Variants in AFDN observed in about 807,000 individuals in gnomAD.
The protein encoded by AFDN is afadin, adherens junction formation factor, also known as afadin.
Under a neutral mutation model 216.6 loss-of-function variants are expected in AFDN, and 68 were observed. That is an observed-to-expected ratio of 0.31 (90% CI 0.26 to 0.38). AFDN has a LOEUF of 0.38. Ranked by LOEUF, AFDN falls within the 10% of genes least tolerant of loss-of-function variation. The pLI, the probability that AFDN is intolerant of heterozygous loss-of-function variation, is 1.00. For missense variants in AFDN, 2,136 were observed against 2,342.0 expected (o/e 0.91, Z 1.82); for synonymous variants, 868 against 853.7 (o/e 1.02, Z -0.29).
intron 23 of AFDN, 44 bp from the exon 24 acceptor site, chr6:167,943,085 C>G (rs1794884797): frequency 1.3e-6 from 2 of 1,533,142 alleles, no homozygotes; most frequent in African/African-American, 1.4e-5. Flanking sequence ...GCATTTCTTA[C>G]AATATATCTT....
upstream of AFDN, chr6:167,826,575 C>T (rs999532584): frequency 1.5e-5 from 8 of 527,212 alleles, no homozygotes; most frequent in Non-Finnish European, 3.1e-5. Context: ...CTCTGCACCG[C>T]GCGTCCGGAC....
At chr6:167,871,715 A>G (rs1324605523) in intron 3 of AFDN, among the ~76,000 whole-genome samples, 1 of 152,226 alleles carries the variant, frequency 6.6e-6, no homozygotes, top group South Asian at 2.1e-4. Context: ...AATACTTACA[A>G]CAGTTTCATA....
At chr6:167,925,390 G>A (rs1469443104) in intron 23 of AFDN, among the ~76,000 whole-genome samples, 1 of 152,222 alleles carries the variant, frequency 6.6e-6, no homozygotes, top group African/African-American at 2.4e-5. Flanking sequence ...GATTCGCACA[G>A]TGAGGAGAGA....
At chr6:167,878,313 G>A (rs1785648123) in intron 5 of AFDN, among the ~76,000 whole-genome samples, 1 of 152,014 alleles carries the variant, frequency 6.6e-6, no homozygotes. Flanking sequence ...CTACCCAATT[G>A]TTTGCTCATC....
intron 31 of AFDN, chr6:167,963,431 T>A: frequency 9.5e-7 from 1 of 1,054,442 alleles, no homozygotes; most frequent in African/African-American, 1.7e-5. Context: ...TTAGTTTTTA[T>A]TAATAATTCC....
At chr6:167,834,455 C>CA (rs1780178203) in intron 1 of AFDN, among the ~76,000 whole-genome samples, 3 of 60,882 alleles carry the variant, frequency 4.9e-5, no homozygotes, top group Non-Finnish European at 6.5e-5. Flanking sequence ...GTTGTTGTTT[C>CA]GGTTTTTTTT....
chr6:167,963,521 T>C, intron 31 of AFDN: 1 of 1,055,764 alleles, frequency 9.5e-7, no homozygotes, highest in Non-Finnish European at 1.1e-6. Context: ...TTTTTTGTAG[T>C]GATATGCTCT....
At chr6:167,896,823 C>A in intron 9 of AFDN, 55 bp from the exon 10 acceptor site, 2 of 1,038,350 alleles carry the variant, frequency 1.9e-6, no homozygotes, top group Non-Finnish European at 3.0e-6. Context: ...TTGGAAATAA[C>A]ATGACAGTAA....
chr6:167,969,160 TGAC>T lies in AFDN; in HGVS notation c.5306_5308del (p.Asp1769del). On this transcript the variant is annotated inframe_deletion, in exon 33 of 34. Coordinates refer to ENST00000683244, the MANE Select transcript of AFDN (RefSeq NM_001386888.1). ...CTACTGGAGCAGCTGTTGGAGCCCATGACGCCTGTCGGGATGCAAAAGAGAAGC... is the reference window on the plus strand; with the variant it reads ...CTACTGGAGCAGCTGTTGGAGCCCATGCCTGTCGGGATGCAAAAGAGAAGC... The T allele has an allele frequency of 6.2e-7, 1 of 1,614,008 alleles. No individual in the cohort carries two copies. Among genetic ancestry groups the T allele is most frequent in the Non-Finnish European group, 8.5e-7 (1 of 1,179,870 alleles).
rs146895497 is a variant in AFDN at position 167,892,086 on chromosome 6, G to A, written c.1177+1057G>A. Among the ~76,000 whole-genome samples the A allele has an allele frequency of 8.6e-3, 1,308 of 152,270 alleles. 29 individuals are homozygous for A. The highest frequency in any genetic ancestry group is 0.03 in the African/African-American group (1,243 of 41,544). ...TGTTGTCCAGCAGTCTCATGGTACC[G>A]TAGGTTATATAAATACAGGAAGTGA... On this transcript the variant is annotated intron_variant, in intron 8 of 33. Coordinates refer to ENST00000683244, the MANE Select transcript of AFDN (RefSeq NM_001386888.1).
Position 167,915,375 on chromosome 6 carries a change from G to C in AFDN, c.2507G>C (p.Trp836Ser), listed in dbSNP as rs1790920005. 1 of 1,614,114 alleles carries C rather than the reference G, an allele frequency of 6.2e-7. No individual in the cohort carries two copies. Among genetic ancestry groups the C allele is most frequent in the Non-Finnish European group, 8.5e-7 (1 of 1,180,048 alleles). ...IRQQLGHIEA[W>S]AEKQGLELAA... ...CAGCAGTTGGGCCATATTGAAGCCT[G>C]GGCTGAGAAGCAGGGGCTGGAACTG... Residue 836 changes from tryptophan to serine, a missense_variant, in exon 19 of 34, where the codon TGG becomes TCG. Trp to Ser is a radical substitution (Grantham distance 177). Coordinates refer to ENST00000683244, the MANE Select transcript of AFDN (RefSeq NM_001386888.1).
At chr6:167,832,324 A>G (rs1289196858) in intron 1 of AFDN, among the ~76,000 whole-genome samples, 1 of 152,140 alleles carries the variant, frequency 6.6e-6, no homozygotes, top group Non-Finnish European at 1.5e-5. Flanking sequence ...AGTTCATAGC[A>G]GGAGTGTGCG....
At chr6:167,950,912 G>T (rs1490783935) in intron 29 of AFDN, among the ~76,000 whole-genome samples, 1 of 149,942 alleles carries the variant, frequency 6.7e-6, no homozygotes, top group Non-Finnish European at 1.5e-5. Flanking sequence ...ACCCAGGCTG[G>T]TCTCGAACTC....
Position 167,970,165 on chromosome 6 carries a change from A to C in AFDN, c.*230A>C, listed in dbSNP as rs181969033. ...TTAAACACTGTCTAGTTTCTTAATT[A>C]TCTAACTCACACGAGGGTAAGTTTT... On this transcript the variant is annotated 3_prime_UTR_variant, in exon 34 of 34. Transcript: ENST00000683244. The C allele has an allele frequency of 6.9e-4, 313 of 456,718 alleles. 1 individual carries two copies. Among genetic ancestry groups the C allele is most frequent in the African/African-American group, 5.8e-3 (282 of 48,482 alleles). 28.3% of individuals were successfully genotyped at this position (456,718 alleles called of 1,614,324 possible). A position where few individuals can be genotyped will look rare whatever the true frequency, so the allele number is the denominator to read the frequency against.
intron 1 of AFDN, among the ~76,000 whole-genome samples, chr6:167,850,935 C>T (rs1161154225): frequency 6.6e-6 from 1 of 151,898 alleles, no homozygotes; most frequent in Non-Finnish European, 1.5e-5. Flanking sequence ...TAGCTGGAGC[C>T]GATCTCGGCT....
rs761592094 is a variant in AFDN, at chr6:167,962,429, T to C, written c.4834-4T>C. ...GAGGGAGATTAATGTCAGCCTGTTG[T>C]TAGTTGCAGGACGAGGAGCGGAGGC... On this transcript the variant is annotated splice_polypyrimidine_tract_variant and splice_region_variant and intron_variant, in intron 30 of 33. Coordinates refer to ENST00000683244, the MANE Select transcript of AFDN (RefSeq NM_001386888.1). This position sits in a 1 kb window ranked among gnomAD's most constrained non-coding sequence, Gnocchi z 5.2. 11 of 1,613,486 alleles carry C rather than the reference T, an allele frequency of 6.8e-6. No individual in the cohort carries two copies. In the South Asian group the frequency reaches 9.9e-5, roughly 14 times the overall value.
intron 13 of AFDN, among the ~76,000 whole-genome samples, chr6:167,908,428 T>A (rs1324062601): frequency 6.6e-6 from 1 of 152,254 alleles, no homozygotes. Flanking sequence ...CATGTGATAA[T>A]AAATAGTTTA....
chr6:167,946,791 C>T lies in AFDN; in HGVS notation c.3443C>T (p.Pro1148Leu), dbSNP rs141880605. 7.4e-6 allele frequency: 12 copies of T among 1,613,776 alleles called. No individual in the cohort carries two copies. In the African/African-American group the frequency reaches 1.3e-4, roughly 18 times the overall value. The change falls in exon 27 of 34, where the codon CCT becomes CTT. Residue 1148 changes from proline (P) to leucine (L), a missense_variant. Pro to Leu is a moderately conservative substitution (Grantham distance 98). Around this residue, in one of 8 missense-constraint regions of AFDN, gnomAD observed 981 missense variants for 966.0 expected, o/e 1.02. Transcript: ENST00000683244. The part of the protein sequence containing the change: ...LYNNSTQNGS[P>L]ESPQLPWAEY... ...AATAATTCAACTCAAAATGGGTCTC[C>T]TGAGAGTCCTCAGCTGCCTTGGGCA...
At position 167,896,786 on chromosome 6, in the gene AFDN, G is replaced by A. The variant is rs116347390; in HGVS notation, c.1223-92G>A. The A allele has an allele frequency of 1.5e-3, 1,043 of 707,360 alleles. 7 individuals carry two copies. The African/African-American group carries it at 0.017, about 12-fold the overall frequency. The allele number at this position is 707,360 out of a possible 1,614,324, so 43.8% of individuals were successfully genotyped here. A position where few individuals can be genotyped will look rare whatever the true frequency, so the allele number is the denominator to read the frequency against. On this transcript the variant is annotated intron_variant, in intron 9 of 33. Coordinates refer to ENST00000683244, the MANE Select transcript of AFDN (RefSeq NM_001386888.1). ...AAAGAAATCCTGAGAAATGAGAACT[G>A]TAGTGCCTGAGATAACCTTTTGTTT...
Sources: gnomAD v4.1 joint callset for allele counts (sites outside exome capture counted in the v4.1 genomes callset) on GRCh38, gnomAD v4.1.1 for gene constraint, gnomAD v4.1.1 regional missense constraint, Gnocchi (gnomAD v3.1) non-coding constraint, MANE v1.5 for transcripts, NCBI Gene and HGNC (gene_info 2026-07-23, HGNC 2026-07-21) for gene names.